Variants in SGCD observed in about 807,000 individuals in gnomAD.
SGCD encodes sarcoglycan delta, also known as delta-sarcoglycan.
SGCD carries 18 observed loss-of-function variants against 36.6 expected under a neutral mutation model. The observed-to-expected ratio is 0.49, with a 90% CI of 0.34 to 0.73. The LOEUF is 0.73. Ranked by LOEUF, SGCD falls within the 30% of genes least tolerant of loss-of-function variation. SGCD has a pLI of 0.01. For missense variants in SGCD, 387 were observed against 346.7 expected, an observed-to-expected ratio of 1.12 and a Z score of -0.92; for synonymous variants, 133 against 130.6, an observed-to-expected ratio of 1.02 and a Z score of -0.12.
intron 4 of SGCD, among the ~76,000 whole-genome samples, chr5:156,577,300 A>G (rs985386979): frequency 7.2e-5 from 11 of 152,154 alleles, no homozygotes; most frequent in African/African-American, 1.9e-4. Flanking sequence ...TACCATTACC[A>G]TGCTATTTTG....
intron 4 of SGCD, among the ~76,000 whole-genome samples, chr5:156,526,506 A>G (rs563061656): frequency 6.6e-6 from 1 of 152,272 alleles, no homozygotes; most frequent in African/African-American, 2.4e-5. Flanking sequence ...TTAAATTAAG[A>G]AGTTAACTGG....
At chr5:156,707,501 A>G (rs949470864) in intron 7 of SGCD, among the ~76,000 whole-genome samples, 1 of 152,218 alleles carries the variant, frequency 6.6e-6, no homozygotes, top group Non-Finnish European at 1.5e-5. Context: ...GACAGTAACT[A>G]ACATGAAAGA....
At chr5:156,156,176 G>T (rs1174403434) in intron 3 of SGCD, among the ~76,000 whole-genome samples, 1 of 151,496 alleles carries the variant, frequency 6.6e-6, no homozygotes, top group Non-Finnish European at 1.5e-5. Context: ...GTTGTAATGC[G>T]ACCCCTTCAT....
At position 156,299,581 on chromosome 5, in the gene SGCD, T is replaced by A. The variant is rs190460505; in HGVS notation, c.-43-29953T>A. Among the ~76,000 whole-genome samples the A allele has an allele frequency of 1.3e-3, 196 of 152,280 alleles. 1 individual carries two copies. The highest frequency in any genetic ancestry group is 4.6e-3 in the African/African-American group (191 of 41,576). Reference sequence around the variant, plus strand: ...AATCCACAAACATGGAAATATTTTTTCCATTTTTTGTATATCTTCCTCAAT... The same window carrying A: ...AATCCACAAACATGGAAATATTTTTACCATTTTTTGTATATCTTCCTCAAT... On this transcript the variant is annotated intron_variant, in intron 3 of 9. Transcript: ENST00000517913.
At chr5:156,347,413 C>T (rs1399123250) in intron 3 of SGCD, among the ~76,000 whole-genome samples, 3 of 152,066 alleles carry the variant, frequency 2.0e-5, no homozygotes, top group Admixed American at 6.6e-5. Context: ...GTAGTATGGA[C>T]CTTGCATTTA....
At chr5:155,857,276 A>G in the SGCD span, among the ~76,000 whole-genome samples, 9 of 152,200 alleles carry the variant, frequency 5.9e-5, no homozygotes, top group African/African-American at 2.2e-4. Flanking sequence ...TATATCTGCC[A>G]TGTAACTCAG....
intron 1 of SGCD, among the ~76,000 whole-genome samples, chr5:155,884,180 G>C (rs1755953800): frequency 6.6e-6 from 1 of 152,146 alleles, no homozygotes; most frequent in African/African-American, 2.4e-5. Flanking sequence ...CTTTACCGAG[G>C]TGATTCACAG....
rs548363521 is a variant in SGCD at position 156,258,754 on chromosome 5, T to C, written c.-43-70780T>C. Among the ~76,000 whole-genome samples, 3 of 152,324 alleles carry C rather than the reference T, an allele frequency of 2.0e-5. No homozygotes were observed. In the East Asian group the frequency reaches 5.8e-4, roughly 29 times the overall value. ...CAATTCTTTGTTTTATCAAATATTG[T>C]AATTTCTCATTAAAATGTTACTTTT... On this transcript the variant is annotated intron_variant, in intron 3 of 9. Transcript: ENST00000517913.
intron 7 of SGCD, among the ~76,000 whole-genome samples, chr5:156,744,499 G>C (rs933982829): frequency 6.6e-6 from 1 of 152,074 alleles, no homozygotes; most frequent in African/African-American, 2.4e-5. Flanking sequence ...GATTGTCGTG[G>C]GTTCCAGTTC....
chr5:156,070,120 A>G (rs1343102541), intron 1 of SGCD, among the ~76,000 whole-genome samples: 1 of 148,856 alleles, frequency 6.7e-6, no homozygotes, highest in Non-Finnish European at 1.5e-5. Flanking sequence ...GATACCCTTT[A>G]TTTCCTTCTC....
At position 156,481,938 on chromosome 5, in the gene SGCD, G is replaced by A. The variant is rs111995927; in HGVS notation, c.193-26663G>A. Among the ~76,000 whole-genome samples the A allele has an allele frequency of 9.2e-3, 1,406 of 152,212 alleles. 19 individuals carry two copies. The highest frequency in any genetic ancestry group is 0.031 in the African/African-American group (1,286 of 41,516). On this transcript the variant is annotated intron_variant, in intron 3 of 8. Transcript: ENST00000337851. ...ATCAGACACCACCTGCTTATGCCAC[G>A]TTCAGGGACAACTGTAGACAGTGAC...
Position 156,191,721 on chromosome 5 carries a change from A to C in SGCD, c.-44+67702A>C, listed in dbSNP as rs149132636. On this transcript the variant is annotated intron_variant, in intron 3 of 9. Transcript: ENST00000517913. ...GAAGTCACAGATAAAGCTCAAAGAG[A>C]GAGACATTCAAGCTGTCAATCTGGA... 1.1e-3 allele frequency among the ~76,000 whole-genome samples: 175 copies of C among 152,264 alleles called. 1 individual carries two copies. The highest frequency in any genetic ancestry group is 4.0e-3 in the African/African-American group (168 of 41,558).
intron 3 of SGCD, among the ~76,000 whole-genome samples, chr5:156,159,180 C>T (rs150792128): frequency 6.6e-6 from 1 of 151,364 alleles, no homozygotes; most frequent in African/African-American, 2.4e-5. Context: ...ATGAAATAAC[C>T]AAAGAGCCTT....
At chr5:155,925,847 C>T (rs1339039288) in intron 1 of SGCD, among the ~76,000 whole-genome samples, 1 of 152,026 alleles carries the variant, frequency 6.6e-6, no homozygotes, top group Non-Finnish European at 1.5e-5. Flanking sequence ...GAACTCCTGG[C>T]CTCAAGTGAC....
intron 7 of SGCD, among the ~76,000 whole-genome samples, chr5:156,690,046 G>A (rs1227399739): frequency 6.6e-6 from 1 of 152,140 alleles, no homozygotes; most frequent in Non-Finnish European, 1.5e-5. Context: ...TTCAAAATAT[G>A]CCGTTGCTAT....
rs1763492321 is a variant in SGCD at position 156,652,299 on chromosome 5, AGTGAAACCCT to A, written c.575+4766_575+4775del. On this transcript the variant is annotated intron_variant, in intron 7 of 8. Transcript: ENST00000337851. ...AGTCTGAGACAAGCCTGGACAACAT[AGTGAAACCCT>A]GTCTCTACCAAAAGAAAAAAAAAGT... 2.0e-5 allele frequency among the ~76,000 whole-genome samples: 3 copies of A among 151,988 alleles called. No homozygotes were observed. In the South Asian group the frequency reaches 6.2e-4, roughly 32 times the overall value.
intron 7 of SGCD, among the ~76,000 whole-genome samples, chr5:156,654,142 G>T (rs765460234): frequency 6.6e-6 from 1 of 152,028 alleles, no homozygotes; most frequent in African/African-American, 2.4e-5. Context: ...TAGCACAAGG[G>T]GATTATAGGA....
At chr5:156,410,983 A>T (rs1418010768) in intron 3 of SGCD, among the ~76,000 whole-genome samples, 1 of 152,166 alleles carries the variant, frequency 6.6e-6, no homozygotes, top group East Asian at 1.9e-4. Flanking sequence ...CTAGTCTGTA[A>T]TTGGGAGTCT....
chr5:156,040,303 T>G (rs1425779546), intron 1 of SGCD, among the ~76,000 whole-genome samples: 1 of 152,204 alleles, frequency 6.6e-6, no homozygotes, highest in Non-Finnish European at 1.5e-5. Flanking sequence ...CCTTGGCGTC[T>G]CCGACAAGCG....
Sources: gnomAD v4.1 joint callset for allele counts (sites outside exome capture counted in the v4.1 genomes callset) on GRCh38, gnomAD v4.1.1 for gene constraint, MANE v1.5 for transcripts, NCBI Gene and HGNC (gene_info 2026-07-23, HGNC 2026-07-21) for gene names.